The following SPATA1 variants were observed in gnomAD, a reference collection of about 807,000 sequenced individuals.
The protein encoded by SPATA1 is spermatogenesis associated 1.
A neutral mutation model predicts 59.6 loss-of-function variants in SPATA1; 57 were observed. The ratio of observed to expected loss-of-function variants is 0.96; its 90% CI spans 0.77 to 1.19. The LOEUF (loss-of-function observed/expected upper bound fraction) is 1.19, where lower values mean the gene tolerates loss of function less well. SPATA1 is among the 50% of genes most tolerant of loss of function. The pLI is 0.00. For missense variants in SPATA1, 448 were observed against 480.7 expected (o/e 0.93, Z 0.64); for synonymous variants, 147 against 163.9 (o/e 0.90, Z 0.79).
intron 9 of SPATA1, 42 bp from the exon 10 acceptor site, chr1:84,545,592 C>T: frequency 6.8e-7 from 1 of 1,472,428 alleles, no homozygotes; most frequent in East Asian, 2.7e-5. Context: ...AGCCATCTTT[C>T]AGCTTTGAGA....
At chr1:84,532,716 T>C (rs1210668050) in intron 6 of SPATA1, 144 bp from the exon 7 acceptor site, 2 of 542,882 alleles carry the variant, frequency 3.7e-6, no homozygotes, top group African/African-American at 3.8e-5. Flanking sequence ...TTGGAAACTA[T>C]TGACTTATAT....
chr1:84,561,700 C>T (rs1432449195), intron 4 of SPATA1, among the ~76,000 whole-genome samples: 1 of 152,180 alleles, frequency 6.6e-6, no homozygotes, highest in African/African-American at 2.4e-5. Context: ...CTTCAGCAAC[C>T]ACCACCCTGA....
intron 4 of SPATA1, chr1:84,563,408 C>A (rs1391963522): frequency 1.3e-6 from 2 of 1,520,862 alleles, no homozygotes; most frequent in Non-Finnish European, 8.8e-7. Flanking sequence ...TGCAATGGTA[C>A]AAACATGATC....
At chr1:84,554,966 C>T (rs1043493), downstream of SPATA1, 60,939 of 1,564,168 alleles carry the variant, frequency 0.039, 3,060 homozygotes, top group African/African-American at 0.24. Context: ...TACAGATCAT[C>T]TTTCTAACTC....
chr1:84,533,605 AAT>A (rs1317650981), intron 7 of SPATA1, 102 bp from the exon 8 acceptor site: 1 of 921,842 alleles, frequency 1.1e-6, no homozygotes, highest in African/African-American at 1.7e-5. Flanking sequence ...GAAAATTTTC[AAT>A]ATTTGTGTTT....
chr1:84,543,088 C>G (rs1287879609), intron 8 of SPATA1, among the ~76,000 whole-genome samples: 3 of 152,128 alleles, frequency 2.0e-5, no homozygotes, highest in Non-Finnish European at 2.9e-5. Context: ...TGTGGCCTCT[C>G]TCTCTCTAAA....
intron 2 of SPATA1, among the ~76,000 whole-genome samples, chr1:84,517,764 A>G (rs1428010801): frequency 6.6e-6 from 1 of 152,068 alleles, no homozygotes; most frequent in Non-Finnish European, 1.5e-5. Context: ...GCTTTTAAAT[A>G]TATACAAAAT....
At chr1:84,521,256 G>A (rs951029115) in intron 3 of SPATA1, among the ~76,000 whole-genome samples, 7 of 152,222 alleles carry the variant, frequency 4.6e-5, no homozygotes, top group Admixed American at 2.0e-4. Context: ...TATCTACAAC[G>A]CCTCTTTCTC....
At chr1:84,513,414 C>T (rs1026198165) in intron 1 of SPATA1, among the ~76,000 whole-genome samples, 5 of 152,182 alleles carry the variant, frequency 3.3e-5, no homozygotes, top group Non-Finnish European at 7.3e-5. Context: ...GGATTACAGG[C>T]GTGAGCCACA....
intron 1 of SPATA1, among the ~76,000 whole-genome samples, chr1:84,509,392 C>T (rs1682437515): frequency 6.6e-6 from 1 of 152,242 alleles, no homozygotes; most frequent in South Asian, 2.1e-4. Context: ...CTAGATGTCT[C>T]TCTCCTCGTA....
At chr1:84,520,739 T>C in intron 3 of SPATA1, 48 bp downstream of exon 3, 2 of 1,269,736 alleles carry the variant, frequency 1.6e-6, no homozygotes, top group Non-Finnish European at 2.2e-6. Flanking sequence ...GAAGAATCTG[T>C]TTTCTTCAGA....
In SPATA1 at chr1:84,543,160, G is replaced by A. The variant is rs547041050; in HGVS notation, c.718-1042G>A. ...CACAGAAAGTGAAGCTACAGATAAC[G>A]GGGACTAACTGTAAGACAAACAAAA... On this transcript the variant is annotated intron_variant, in intron 8 of 12. Transcript: ENST00000490879. 5.3e-5 allele frequency among the ~76,000 whole-genome samples: 8 copies of A among 152,206 alleles called. No individual in the cohort carries two copies. The South Asian group carries it at 8.3e-4, about 16-fold the overall frequency.
intron 6 of SPATA1, 53 bp from the exon 7 acceptor site, chr1:84,532,807 C>A: frequency 1.6e-6 from 2 of 1,237,960 alleles, no homozygotes; most frequent in Non-Finnish European, 2.3e-6. Context: ...GTTTATTTTA[C>A]TATTTTCCTA....
At chr1:84,557,533 C>CAAAAAAAAAAA (rs56101174), downstream of SPATA1, among the ~76,000 whole-genome samples, 2 of 55,436 alleles carry the variant, frequency 3.6e-5, no homozygotes, top group East Asian at 6.9e-4. Flanking sequence ...AACTCCATCT[C>CAAAAAAAAAAA]AAAAAAAAAA....
At chr1:84,562,556 T>C (rs1392086795) in intron 4 of SPATA1, among the ~76,000 whole-genome samples, 1 of 152,208 alleles carries the variant, frequency 6.6e-6, no homozygotes, top group Non-Finnish European at 1.5e-5. Flanking sequence ...TAACATAATC[T>C]GAAATAAATT....
At chr1:84,529,142 T>G (rs935379036) in intron 6 of SPATA1, among the ~76,000 whole-genome samples, 5 of 152,160 alleles carry the variant, frequency 3.3e-5, no homozygotes, top group Admixed American at 3.3e-4. Flanking sequence ...TATTCTTTAT[T>G]GTGAGGTTCA....
intron 1 of SPATA1, among the ~76,000 whole-genome samples, chr1:84,513,043 T>C (rs1570385415): frequency 3.3e-5 from 5 of 152,380 alleles, no homozygotes; most frequent in African/African-American, 1.2e-4. Context: ...TCCCACATGT[T>C]ATATGTTAGG....
intron 10 of SPATA1, among the ~76,000 whole-genome samples, chr1:84,546,593 A>T (rs1273041133): frequency 6.6e-6 from 1 of 152,112 alleles, no homozygotes; most frequent in African/African-American, 2.4e-5. Context: ...AAAGTGTTGG[A>T]TATGCTAGGA....
At chr1:84,547,082 T>C (rs1402492148) in intron 10 of SPATA1, among the ~76,000 whole-genome samples, 5 of 152,232 alleles carry the variant, frequency 3.3e-5, no homozygotes, top group Non-Finnish European at 5.9e-5. Flanking sequence ...TTGAAGGTTA[T>C]AGACAATGTC....
Sources: allele counts gnomAD v4.1 joint callset (sites outside exome capture counted in the v4.1 genomes callset), GRCh38; gene constraint gnomAD v4.1.1; transcripts MANE v1.5; gene names NCBI Gene and HGNC (gene_info 2026-07-23, HGNC 2026-07-21).